DISC1: variants seen among roughly 807,000 people sequenced by gnomAD.
DISC1 encodes disrupted in schizophrenia 1 protein.
DISC1 carries 57 observed loss-of-function variants against 84.5 expected under a neutral mutation model. That is an observed-to-expected ratio of 0.67 (90% CI 0.55 to 0.84). DISC1 has a LOEUF of 0.84. DISC1 is among the 40% of genes least tolerant of loss of function. The pLI is 0.00. For missense variants in DISC1, 1,000 were observed against 1,057.8 expected, an observed-to-expected ratio of 0.95 and a Z score of 0.76; for synonymous variants, 411 against 415.2, an observed-to-expected ratio of 0.99 and a Z score of 0.12.
chr1:231,793,560 C>T (rs764012059), intron 6 of DISC1, among the ~76,000 whole-genome samples: 4 of 152,174 alleles, frequency 2.6e-5, no homozygotes, highest in Non-Finnish European at 4.4e-5. Context: ...TATCACTCTG[C>T]GGGGCCCATG....
intron 9 of DISC1, among the ~76,000 whole-genome samples, chr1:231,911,167 C>CAGGTTA: frequency 6.6e-6 from 1 of 152,110 alleles, no homozygotes; most frequent in East Asian, 1.9e-4. Context: ...AGCATTTAGC[C>CAGGTTA]CATTTACATT....
At chr1:231,837,407 C>G (rs902092998) in intron 9 of DISC1, among the ~76,000 whole-genome samples, 2 of 152,110 alleles carry the variant, frequency 1.3e-5, no homozygotes, top group African/African-American at 4.8e-5. Context: ...CGGAACAAGC[C>G]TATTGTTTGC....
intron 3 of DISC1, among the ~76,000 whole-genome samples, chr1:231,706,483 C>T (rs1338657479): frequency 6.6e-6 from 1 of 152,172 alleles, no homozygotes; most frequent in African/African-American, 2.4e-5. Flanking sequence ...CACCAGTGAC[C>T]ATGCTCACTT....
At chr1:231,769,454 C>G (rs12022710) in intron 5 of DISC1, among the ~76,000 whole-genome samples, 21,462 of 152,126 alleles carry the variant, frequency 0.14, 1,573 homozygotes, top group South Asian at 0.19. Flanking sequence ...TTCTGACACA[C>G]GCTACAGCAT....
chr1:231,773,971 G>GTA (rs1305983908), intron 6 of DISC1, among the ~76,000 whole-genome samples: 2 of 151,896 alleles, frequency 1.3e-5, no homozygotes, highest in African/African-American at 4.8e-5. Flanking sequence ...TCTTGGGAAT[G>GTA]TAAGGATGAG....
intron 6 of DISC1, among the ~76,000 whole-genome samples, chr1:231,773,136 C>T (rs745794391): frequency 6.6e-6 from 1 of 152,134 alleles, no homozygotes; most frequent in African/African-American, 2.4e-5. Flanking sequence ...GTCTTTGGGC[C>T]TGAATCAATA....
At chr1:232,029,009 T>C (rs934215896) in intron 12 of DISC1, among the ~76,000 whole-genome samples, 2 of 152,220 alleles carry the variant, frequency 1.3e-5, no homozygotes, top group Non-Finnish European at 2.9e-5. Flanking sequence ...ACAAGCCCCA[T>C]GGTCCTATTA....
chr1:231,971,706 G>A (rs1052557105), intron 10 of DISC1, among the ~76,000 whole-genome samples: 10 of 152,122 alleles, frequency 6.6e-5, no homozygotes, highest in Non-Finnish European at 1.0e-4. Context: ...AACTGCCTCA[G>A]GCGGAAAACA....
In DISC1 at chr1:232,030,977, A is replaced by G. The variant is rs934783053; in HGVS notation, c.2425+4425A>G. Among the ~76,000 whole-genome samples the G allele has an allele frequency of 3.3e-5, 5 of 152,140 alleles. No individual in the cohort carries two copies. The East Asian group carries it at 9.7e-4, about 30-fold the overall frequency. On this transcript the variant is annotated intron_variant, in intron 12 of 12. Transcript: ENST00000439617. Reference sequence around the variant, plus strand: ...AAAATACAAAAATTAACTGGGCGTGATGGTGCACACCTGTAGTCCCAGCTA... The same window carrying G: ...AAAATACAAAAATTAACTGGGCGTGGTGGTGCACACCTGTAGTCCCAGCTA...
chr1:231,661,530 A>G (rs1044232285), intron 1 of DISC1, among the ~76,000 whole-genome samples: 5 of 152,026 alleles, frequency 3.3e-5, no homozygotes, highest in Admixed American at 6.6e-5. Context: ...CACTTGGTCT[A>G]TTCTGCTATT....
At chr1:231,997,911 A>C (rs940692693) in intron 10 of DISC1, among the ~76,000 whole-genome samples, 3 of 152,182 alleles carry the variant, frequency 2.0e-5, no homozygotes, top group Non-Finnish European at 4.4e-5. Flanking sequence ...ACTGCTTTGG[A>C]GGACAACTGT....
In DISC1 at chr1:231,909,501, T is replaced by A. The variant is rs141436850; in HGVS notation, c.1982-49327T>A. Among the ~76,000 whole-genome samples, 503 of 152,344 alleles carry A rather than the reference T, an allele frequency of 3.3e-3. 1 individual carries two copies. Among genetic ancestry groups the A allele is most frequent in the Non-Finnish European group, 5.1e-3 (350 of 68,034 alleles). Reference sequence around the variant, plus strand: ...TTGATTTGCACATGTTGAACCAGCTTTGCATCCCAGGGATGAAGCCCACTT... The same window carrying A: ...TTGATTTGCACATGTTGAACCAGCTATGCATCCCAGGGATGAAGCCCACTT... On this transcript the variant is annotated intron_variant, in intron 9 of 12. Transcript: ENST00000439617.
intron 9 of DISC1, among the ~76,000 whole-genome samples, chr1:231,933,604 TC>T (rs906266790): frequency 6.6e-6 from 1 of 152,220 alleles, no homozygotes; most frequent in African/African-American, 2.4e-5. Flanking sequence ...ACATTCGTTC[TC>T]ATCCCTAGTA....
chr1:231,750,638 A>G (rs1037870295), intron 4 of DISC1: 55 of 966,078 alleles, frequency 5.7e-5, no homozygotes, highest in Non-Finnish European at 5.5e-5. Context: ...AAACCTACCA[A>G]TGTCCAGGCT....
Position 231,984,481 on chromosome 1 carries a change from C to T in DISC1, c.2043-24304C>T, listed in dbSNP as rs111347530. 3.8e-3 allele frequency among the ~76,000 whole-genome samples: 582 copies of T among 152,244 alleles called. 2 individuals are homozygous for T. Among genetic ancestry groups the T allele is most frequent in the Non-Finnish European group, 6.8e-3 (463 of 68,022 alleles). ...CAGAAGATCTTGATAAAATGTTCCT[C>T]ATCCCTAGTGGATGGGGGGCGTGGG... On this transcript the variant is annotated intron_variant, in intron 10 of 12. Transcript: ENST00000439617.
chr1:231,970,883 C>A (rs1368275796), intron 10 of DISC1, among the ~76,000 whole-genome samples: 1 of 152,128 alleles, frequency 6.6e-6, no homozygotes, highest in Non-Finnish European at 1.5e-5. Context: ...GAGGGTTCCT[C>A]TTTCTTTAAG....
At chr1:231,824,164 G>A (rs969024950) in intron 9 of DISC1, among the ~76,000 whole-genome samples, 10 of 152,004 alleles carry the variant, frequency 6.6e-5, no homozygotes, top group Admixed American at 2.6e-4. Context: ...TTAGCTCTCC[G>A]GGCCAGAACG....
intron 9 of DISC1, among the ~76,000 whole-genome samples, chr1:231,861,611 A>T (rs1303806100): frequency 1.3e-5 from 2 of 152,078 alleles, no homozygotes; most frequent in Non-Finnish European, 2.9e-5. Context: ...TATCTTGAGT[A>T]AATTTAGCTT....
chr1:231,928,594 G>A (rs1293871456), intron 9 of DISC1, among the ~76,000 whole-genome samples: 1 of 152,186 alleles, frequency 6.6e-6, no homozygotes, highest in Non-Finnish European at 1.5e-5. Flanking sequence ...CTCGTCCTCT[G>A]CTAACTTTTG....
Sources: gnomAD v4.1 joint callset for allele counts (sites outside exome capture counted in the v4.1 genomes callset) on GRCh38, gnomAD v4.1.1 for gene constraint, MANE v1.5 for transcripts, NCBI Gene and HGNC (gene_info 2026-07-23, HGNC 2026-07-21) for gene names.